Variants in ADAM17 observed in about 807,000 individuals in gnomAD.
ADAM17 encodes ADAM metallopeptidase domain 17.
A neutral mutation model predicts 96.7 loss-of-function variants in ADAM17; 39 were observed. The ratio of observed to expected loss-of-function variants is 0.40; its 90% CI spans 0.31 to 0.53. ADAM17 has a LOEUF of 0.53. ADAM17 is among the 20% of genes least tolerant of loss of function. ADAM17 has a pLI of 0.44. For synonymous variants in ADAM17, 344 were observed against 359.2 expected (o/e 0.96, Z 0.48); for missense variants, 777 against 1,013.2 (o/e 0.77, Z 3.17).
intron 10 of ADAM17, among the ~76,000 whole-genome samples, chr2:9,513,080 T>C (rs1663831310): frequency 6.6e-6 from 1 of 152,238 alleles, no homozygotes; most frequent in South Asian, 2.1e-4. Flanking sequence ...CTGCAATCTC[T>C]GCCTCCCAGG....
chr2:9,524,031 A>T (rs1210284765), intron 6 of ADAM17, among the ~76,000 whole-genome samples: 2 of 146,170 alleles, frequency 1.4e-5, no homozygotes, highest in Admixed American at 6.8e-5. Flanking sequence ...ACACACCACC[A>T]TGCCGGGCTT....
At chr2:9,516,141 AT>A (rs1664044625) in intron 10 of ADAM17, among the ~76,000 whole-genome samples, 1 of 152,128 alleles carries the variant, frequency 6.6e-6, no homozygotes, top group Non-Finnish European at 1.5e-5. Context: ...TGCTATCTGT[AT>A]ATCTTTGGAG....
chr2:9,552,275 G>C (rs1421955396), intron 1 of ADAM17, among the ~76,000 whole-genome samples: 1 of 152,074 alleles, frequency 6.6e-6, no homozygotes, highest in Non-Finnish European at 1.5e-5. Context: ...TAATGTTCTA[G>C]GAAATCCTGT....
At chr2:9,526,974 A>G (rs1012208640) in intron 5 of ADAM17, among the ~76,000 whole-genome samples, 1 of 152,176 alleles carries the variant, frequency 6.6e-6, no homozygotes, top group African/African-American at 2.4e-5. Context: ...CTTGTGAAAT[A>G]AATTAAGAAT....
intron 10 of ADAM17, among the ~76,000 whole-genome samples, chr2:9,513,251 C>A (rs1663841979): frequency 3.3e-5 from 5 of 152,228 alleles, no homozygotes; most frequent in African/African-American, 1.2e-4. Flanking sequence ...ACCTCGGCCT[C>A]CCAAAGTGCT....
intron 4 of ADAM17, among the ~76,000 whole-genome samples, chr2:9,530,240 T>C (rs1347511348): frequency 1.3e-5 from 2 of 152,130 alleles, no homozygotes; most frequent in African/African-American, 4.8e-5. Context: ...AGTGAAATTT[T>C]TTTTCTTTTG....
At chr2:9,511,376 G>C (rs1390646089) in intron 10 of ADAM17, among the ~76,000 whole-genome samples, 2 of 152,102 alleles carry the variant, frequency 1.3e-5, no homozygotes, top group Non-Finnish European at 1.5e-5. Context: ...CTTGAACCCA[G>C]GAGGCGGAGG....
At chr2:9,533,981 T>C (rs1664854840) in intron 4 of ADAM17, among the ~76,000 whole-genome samples, 1 of 152,194 alleles carries the variant, frequency 6.6e-6, no homozygotes, top group Admixed American at 6.5e-5. Context: ...TCCCAGACTA[T>C]TACCTATCAT....
At chr2:9,550,796 G>A (rs1031309324) in intron 1 of ADAM17, among the ~76,000 whole-genome samples, 3 of 150,116 alleles carry the variant, frequency 2.0e-5, no homozygotes, top group East Asian at 2.0e-4. Context: ...AGTGGTTCAC[G>A]TCTGTAATCC....
intron 3 of ADAM17, among the ~76,000 whole-genome samples, chr2:9,536,290 T>C (rs1572949077): frequency 6.6e-6 from 1 of 152,184 alleles, no homozygotes; most frequent in African/African-American, 2.4e-5. Flanking sequence ...TTTTTCTCAT[T>C]GCAGAAAAAG....
intron 6 of ADAM17, among the ~76,000 whole-genome samples, chr2:9,524,780 G>A (rs2125024822): frequency 6.6e-6 from 1 of 152,266 alleles, no homozygotes; most frequent in South Asian, 2.1e-4. Context: ...TTTGTTCTCT[G>A]ATTTGGGAAA....
intron 4 of ADAM17, among the ~76,000 whole-genome samples, chr2:9,528,282 A>C (rs1329558743): frequency 6.6e-6 from 1 of 152,204 alleles, no homozygotes; most frequent in African/African-American, 2.4e-5. Flanking sequence ...ATATTATGTA[A>C]TATCTACTGT....
rs1217709624 is a variant in ADAM17, at chr2:9,505,379, A to C, written c.1345-14T>G. 1 of 1,607,252 alleles carries C rather than the reference A, an allele frequency of 6.2e-7. No homozygotes were observed. ...GTTTGAAAACATCTTGAGAGAAAAA[A>C]GGCAATAAGGACCCAAAATAATATC... is the stretch of plus-strand genomic sequence containing the variant. On this transcript the variant is annotated splice_polypyrimidine_tract_variant and intron_variant, in intron 11 of 18. Coordinates refer to ENST00000310823, the MANE Select transcript of ADAM17 (RefSeq NM_003183.6).
At chr2:9,554,407 A>G (rs1454819543) in intron 1 of ADAM17, among the ~76,000 whole-genome samples, 1 of 152,188 alleles carries the variant, frequency 6.6e-6, no homozygotes, top group Non-Finnish European at 1.5e-5. Context: ...GCCTTTCATT[A>G]GTCACTTGTA....
At chr2:9,533,950 C>CGG (rs1558520427) in intron 4 of ADAM17, among the ~76,000 whole-genome samples, 1 of 152,170 alleles carries the variant, frequency 6.6e-6, no homozygotes, top group African/African-American at 2.4e-5. Context: ...ACAGAGCTTC[C>CGG]TACAGTTTCT....
intron 14 of ADAM17, chr2:9,494,971 G>C: frequency 2.2e-6 from 1 of 457,062 alleles, no homozygotes; most frequent in East Asian, 3.6e-5. Context: ...GAGGCCACAA[G>C]GTTTAAAAAA....
intron 8 of ADAM17, among the ~76,000 whole-genome samples, chr2:9,519,366 A>G (rs923965775): frequency 2.0e-5 from 3 of 152,188 alleles, no homozygotes; most frequent in Admixed American, 1.3e-4. Flanking sequence ...ATCTGTCAAC[A>G]TAAGTCATTT....
chr2:9,508,885 AG>A (rs912490299), intron 11 of ADAM17, among the ~76,000 whole-genome samples: 6 of 152,190 alleles, frequency 3.9e-5, no homozygotes, highest in Admixed American at 3.3e-4. Context: ...CTCTGGCACA[AG>A]TTGTCAAGCA....
chr2:9,503,513 T>C (rs1663156383), intron 12 of ADAM17, among the ~76,000 whole-genome samples: 1 of 152,212 alleles, frequency 6.6e-6, no homozygotes, highest in African/African-American at 2.4e-5. Flanking sequence ...TTAAATCTTA[T>C]ACCCTTGTTA....
Sources: gnomAD v4.1 joint callset for allele counts (sites outside exome capture counted in the v4.1 genomes callset) on GRCh38, gnomAD v4.1.1 for gene constraint, MANE v1.5 for transcripts, NCBI Gene and HGNC (gene_info 2026-07-23, HGNC 2026-07-21) for gene names.